MMP16: variants seen among roughly 807,000 people sequenced by gnomAD.
MMP16 encodes the protein matrix metalloproteinase-16.
MMP16 carries 12 observed loss-of-function variants against 67.8 expected under a neutral mutation model. The ratio of observed to expected loss-of-function variants is 0.18; its 90% CI spans 0.11 to 0.29. The LOEUF is 0.29. MMP16 is among the 10% of genes least tolerant of loss of function. The pLI is 1.00. For missense variants in MMP16, 475 were observed against 765.7 expected (o/e 0.62, Z 4.48); for synonymous variants, 249 against 255.9 (o/e 0.97, Z 0.26).
intron 9 of MMP16, among the ~76,000 whole-genome samples, chr8:88,045,257 C>T (rs922586400): frequency 6.6e-6 from 1 of 152,136 alleles, no homozygotes; most frequent in Non-Finnish European, 1.5e-5. Flanking sequence ...AAAAACAGTA[C>T]ATGTACTTTG....
intron 1 of MMP16, among the ~76,000 whole-genome samples, chr8:88,213,713 T>G (rs1339372433): frequency 1.3e-5 from 2 of 152,180 alleles, no homozygotes; most frequent in Non-Finnish European, 2.9e-5. Flanking sequence ...CCTATGGCCC[T>G]GAGGCTAGGT....
intron 6 of MMP16, among the ~76,000 whole-genome samples, chr8:88,096,281 A>G (rs545120394): frequency 1.3e-5 from 2 of 152,072 alleles, no homozygotes; most frequent in South Asian, 4.1e-4. Context: ...TTATTATGGA[A>G]GATATATTTT....
At chr8:88,250,619 A>G (rs916623643) in intron 1 of MMP16, among the ~76,000 whole-genome samples, 1 of 151,982 alleles carries the variant, frequency 6.6e-6, no homozygotes. Context: ...TACTCAAAAG[A>G]CCAATTAGTA....
chr8:88,196,225 T>C (rs994404244), intron 2 of MMP16, among the ~76,000 whole-genome samples: 2 of 152,176 alleles, frequency 1.3e-5, no homozygotes, highest in African/African-American at 4.8e-5. Flanking sequence ...TGATGTACCA[T>C]GATCAAACTA....
At chr8:88,266,942 A>G (rs1330392513) in intron 1 of MMP16, among the ~76,000 whole-genome samples, 1 of 152,230 alleles carries the variant, frequency 6.6e-6, no homozygotes, top group Non-Finnish European at 1.5e-5. Context: ...TTGAGAATCT[A>G]TTAACTATTC....
At chr8:88,302,699 G>A (rs1289371255) in intron 1 of MMP16, among the ~76,000 whole-genome samples, 1 of 152,192 alleles carries the variant, frequency 6.6e-6, no homozygotes, top group Non-Finnish European at 1.5e-5. Flanking sequence ...AAAGGAGAAA[G>A]AGAATAGGAT....
chr8:88,153,413 C>T (rs1192370768), intron 4 of MMP16, among the ~76,000 whole-genome samples: 14 of 152,216 alleles, frequency 9.2e-5, no homozygotes, highest in East Asian at 7.7e-4. Context: ...ACCAAGTCAA[C>T]CCTAAGCCAA....
chr8:88,175,124 A>G (rs1015722752), intron 3 of MMP16, among the ~76,000 whole-genome samples: 3 of 152,156 alleles, frequency 2.0e-5, no homozygotes, highest in African/African-American at 7.2e-5. Flanking sequence ...CAGAAGAGAA[A>G]AGTGTATATT....
Position 88,186,462 on chromosome 8 carries a change from G to C in MMP16, c.404+14C>G. 1 of 1,612,182 alleles carries C rather than the reference G, an allele frequency of 6.2e-7. No homozygotes were observed. Among genetic ancestry groups the C allele is most frequent in the Non-Finnish European group, 8.5e-7 (1 of 1,179,034 alleles). ...ATATGGGGAAAAGGGGAGATTAATC[G>C]TGAGTTCTTATACCTGTAAGTGATG... On this transcript the variant is annotated intron_variant, in intron 3 of 9. Transcript: ENST00000286614.
Position 88,292,392 on chromosome 8 carries a change from T to G in MMP16, c.132+34683A>C, listed in dbSNP as rs1028208977. ...GCATTCAACTTCAGAGAGTTCACAG[T>G]AGCCTGATGTCCATATACTTAACCC... On this transcript the variant is annotated intron_variant, in intron 1 of 9. Transcript: ENST00000286614. Among the ~76,000 whole-genome samples, 3 of 152,296 alleles carry G rather than the reference T, an allele frequency of 2.0e-5. No homozygotes were observed. In the East Asian group the frequency reaches 5.8e-4, roughly 29 times the overall value.
chr8:88,077,935 A>C (rs1808677932), intron 6 of MMP16, among the ~76,000 whole-genome samples: 1 of 152,206 alleles, frequency 6.6e-6, no homozygotes, highest in African/African-American at 2.4e-5. Flanking sequence ...CCTTCTAAAC[A>C]ACATAAGTTT....
chr8:88,042,257 G>C (rs1286197541), intron 9 of MMP16, among the ~76,000 whole-genome samples: 1 of 152,106 alleles, frequency 6.6e-6, no homozygotes, highest in Non-Finnish European at 1.5e-5. Flanking sequence ...TGATAAAGTC[G>C]CTTCTCTATG....
At chr8:88,219,348 A>C (rs1274368781) in intron 1 of MMP16, among the ~76,000 whole-genome samples, 1 of 146,312 alleles carries the variant, frequency 6.8e-6, no homozygotes, top group Non-Finnish European at 1.5e-5. Context: ...AGGCAATAGC[A>C]ATCATAAAGG....
intron 7 of MMP16, among the ~76,000 whole-genome samples, chr8:88,064,974 A>G (rs561267695): frequency 3.3e-5 from 5 of 152,212 alleles, no homozygotes; most frequent in Admixed American, 3.3e-4. Context: ...GGTCTGATGC[A>G]TCAGTTGGGC....
chr8:88,129,092 G>A (rs1389606266), intron 4 of MMP16, among the ~76,000 whole-genome samples: 1 of 151,708 alleles, frequency 6.6e-6, no homozygotes, highest in Non-Finnish European at 1.5e-5. Flanking sequence ...GAGTAGGTGT[G>A]TATGGCCCTC....
chr8:88,171,588 C>T (rs1175326139), intron 3 of MMP16, among the ~76,000 whole-genome samples: 1 of 151,972 alleles, frequency 6.6e-6, no homozygotes, highest in African/African-American at 2.4e-5. Flanking sequence ...ATAAAGATAG[C>T]TGGTTAAACA....
At chr8:88,183,201 A>C (rs1809009223) in intron 3 of MMP16, among the ~76,000 whole-genome samples, 1 of 152,176 alleles carries the variant, frequency 6.6e-6, no homozygotes, top group Admixed American at 6.5e-5. Flanking sequence ...CTATCAACTT[A>C]AGTGGTAATA....
chr8:88,313,357 T>G (rs955335382), intron 1 of MMP16, among the ~76,000 whole-genome samples: 2 of 152,184 alleles, frequency 1.3e-5, no homozygotes, highest in East Asian at 1.9e-4. Context: ...GTTGAGAGAT[T>G]TTTTTCCTTT....
chr8:88,279,122 T>C (rs1415063500), intron 1 of MMP16, among the ~76,000 whole-genome samples: 1 of 151,574 alleles, frequency 6.6e-6, no homozygotes, highest in Admixed American at 6.6e-5. Flanking sequence ...CTAAGGAGGC[T>C]GAGGCAGGAG....
Sources: allele counts gnomAD v4.1 joint callset (sites outside exome capture counted in the v4.1 genomes callset), GRCh38; gene constraint gnomAD v4.1.1; transcripts MANE v1.5; gene names NCBI Gene and HGNC (gene_info 2026-07-23, HGNC 2026-07-21).